The following PEX5 variants were observed in gnomAD, a reference collection of about 807,000 sequenced individuals.
The protein encoded by PEX5 is PTS1 receptor.
In PEX5, 52 loss-of-function variants were observed where a neutral mutation model predicts 82.9. The ratio of observed to expected loss-of-function variants is 0.63; its 90% confidence interval spans 0.50 to 0.79. The LOEUF (loss-of-function observed/expected upper bound fraction) is 0.79, where lower values mean the gene tolerates loss of function less well. PEX5 is among the 30% of genes least tolerant of loss of function. The pLI, the probability that PEX5 is intolerant of heterozygous loss-of-function variation, is 0.00. For synonymous variants in PEX5, 300 were observed against 318.8 expected, an observed-to-expected ratio of 0.94 and a Z score of 0.63; for missense variants, 719 against 815.2, an observed-to-expected ratio of 0.88 and a Z score of 1.44.
chr12:7,191,823 A>G (rs753422604), intron 5 of PEX5, 123 bp downstream of exon 5: 1 of 900,882 alleles, frequency 1.1e-6, no homozygotes, highest in Admixed American at 1.8e-5. Context: ...CTAGAGGGGT[A>G]GGGTACTGAA....
At chr12:7,199,870 C>T (rs1178238248) in intron 6 of PEX5, among the ~76,000 whole-genome samples, 3 of 67,392 alleles carry the variant, frequency 4.5e-5, no homozygotes, top group African/African-American at 1.4e-4. Flanking sequence ...GGCGGCTGGC[C>T]GGGCAGGGGG....
chr12:7,211,802 A>G (rs1945592905), downstream of PEX5, among the ~76,000 whole-genome samples: 1 of 152,190 alleles, frequency 6.6e-6, no homozygotes, highest in African/African-American at 2.4e-5. Context: ...TAGGGTTTCT[A>G]AAGCTTTTCA....
At chr12:7,200,145 C>T (rs1413059029) in intron 6 of PEX5, among the ~76,000 whole-genome samples, 32 of 150,072 alleles carry the variant, frequency 2.1e-4, no homozygotes, top group Admixed American at 6.0e-4. Context: ...GGGCGGCTGC[C>T]GGGCAGAGGG....
At chr12:7,201,621 G>A in intron 6 of PEX5, 130 bp from the exon 7 acceptor site, 1 of 739,676 alleles carries the variant, frequency 1.4e-6, no homozygotes, top group Non-Finnish European at 2.5e-6. Context: ...GCAAATTGGA[G>A]TTTGTAGGTT....
In PEX5 at chr12:7,210,566, A is replaced by T. The variant is rs779015869; in HGVS notation, c.*343A>T. 7.2e-6 allele frequency: 3 copies of T among 418,890 alleles called. No individual in the cohort carries two copies. Among genetic ancestry groups the T allele is most frequent in the Admixed American group, 7.1e-5 (2 of 28,188 alleles). The allele number at this position is 418,890 out of a possible 1,614,324, so 25.9% of individuals were successfully genotyped here. On this transcript the variant is annotated 3_prime_UTR_variant, in exon 16 of 16. Coordinates refer to ENST00000675855, the MANE Select transcript of PEX5 (RefSeq NM_001351132.2). ...TCAGCTGCCATTTCTGATAGGGTCT[A>T]CCACATCTGTAATGTCTGTCCTTTC... is the stretch of plus-strand genomic sequence containing the variant.
intron 17 of PEX5, among the ~76,000 whole-genome samples, chr12:7,217,330 A>G (rs1028407358): frequency 6.6e-6 from 1 of 152,198 alleles, no homozygotes; most frequent in East Asian, 1.9e-4. Flanking sequence ...AACAACAATA[A>G]TTAATTATCT....
chr12:7,188,861 GCA>G (rs1165678616), upstream of PEX5: 1 of 152,334 alleles, frequency 6.6e-6, no homozygotes, highest in East Asian at 1.9e-4. Flanking sequence ...TGACAGCAGA[GCA>G]CACTCTTTGG....
chr12:7,208,817 G>T, intron 13 of PEX5, 148 bp downstream of exon 13: 1 of 886,006 alleles, frequency 1.1e-6, no homozygotes. Context: ...AAGGAGGTCT[G>T]CATTCTACAG....
At chr12:7,201,135 G>GCACACACA (rs113517645) in intron 6 of PEX5, among the ~76,000 whole-genome samples, 139 of 121,766 alleles carry the variant, frequency 1.1e-3, no homozygotes, top group Middle Eastern at 4.6e-3. Context: ...ATGTGTGCGT[G>GCACACACA]CACACACACA....
At chr12:7,203,023 T>G (rs1026639787) in intron 9 of PEX5, among the ~76,000 whole-genome samples, 1 of 152,026 alleles carries the variant, frequency 6.6e-6, no homozygotes, top group Non-Finnish European at 1.5e-5. Flanking sequence ...CGTGGTGTGT[T>G]GGCGCATGCC....
At chr12:7,201,910 T>C (rs945686972) in intron 7 of PEX5, 69 bp downstream of exon 7, 6 of 1,117,282 alleles carry the variant, frequency 5.4e-6, no homozygotes, top group Non-Finnish European at 8.2e-6. Context: ...TTGCTTTTCT[T>C]ACCCCAGTTT....
In PEX5 at chr12:7,208,498, C is replaced by T. The variant is rs1218031120; in HGVS notation, c.1223C>T (p.Ala408Val). 8.1e-6 allele frequency: 13 copies of T among 1,614,052 alleles called. No individual in the cohort carries two copies. Among genetic ancestry groups the T allele is most frequent in the African/African-American group, 1.3e-5 (1 of 75,034 alleles). Residue 408 changes from alanine (A) to valine (V), a missense_variant, in exon 13 of 16, where the codon GCG (alanine) becomes GTG (valine). Ala to Val is a moderately conservative substitution (Grantham distance 64). Transcript: ENST00000675855. The part of the protein sequence containing the change: ...LKPDNQTALM[A>V]LAVSFTNESL... ...CCAGATAACCAGACAGCACTGATGG[C>T]GCTGGCTGTGAGCTTCACCAACGAG...
At chr12:7,191,168 G>T in intron 3 of PEX5, 58 bp from the exon 4 acceptor site, 2 of 1,606,012 alleles carry the variant, frequency 1.2e-6, no homozygotes, top group Non-Finnish European at 8.5e-7. Context: ...AGTGGGTCCT[G>T]CCTCTTGCTG....
At chr12:7,216,968 GTTTA>G (rs972462030) in intron 17 of PEX5, among the ~76,000 whole-genome samples, 2 of 152,060 alleles carry the variant, frequency 1.3e-5, no homozygotes, top group African/African-American at 2.4e-5. Flanking sequence ...ATTCATACGT[GTTTA>G]TTTTTTTTCT....
chr12:7,198,130 T>C (rs1943098047), intron 5 of PEX5, among the ~76,000 whole-genome samples: 1 of 152,184 alleles, frequency 6.6e-6, no homozygotes, highest in African/African-American at 2.4e-5. Context: ...GTTTGTTGCC[T>C]TGATAGGTTA....
chr12:7,208,636 C>T lies in PEX5; in HGVS notation c.1361C>T (p.Pro454Leu). The change falls in exon 13 of 16, where the codon CCC (proline) becomes CTC (leucine). Residue 454 changes from proline (P) to leucine (L), a missense_variant. Transcript: ENST00000675855. ...GGGGCTGGTGGGGCAGGACTGGGCC[C>T]CAGCAAGCGTATCCTGGGATCTCTC... The part of the protein sequence containing the change: ...EEGAGGAGLG[P>L]SKRILGSLLS... 6.2e-7 allele frequency: 1 copy of T among 1,613,980 alleles called. No homozygotes were observed. Among genetic ancestry groups the T allele is most frequent in the Non-Finnish European group, 8.5e-7 (1 of 1,179,964 alleles).
At chr12:7,214,894 G>T (rs1368910455), downstream of PEX5, among the ~76,000 whole-genome samples, 1 of 151,868 alleles carries the variant, frequency 6.6e-6, no homozygotes, top group Non-Finnish European at 1.5e-5. Context: ...TTAGTCAAAA[G>T]TTCTAAATTC....
chr12:7,191,008 T>C (rs1940994725), intron 3 of PEX5, 85 bp downstream of exon 3: 1 of 1,380,274 alleles, frequency 7.2e-7, no homozygotes, highest in African/African-American at 1.4e-5. Flanking sequence ...CGTATTTCAA[T>C]TTTTGGGCTT....
rs1312258651 is a variant in PEX5 at position 7,202,286 on chromosome 12, G to C, written c.688G>C (p.Glu230Gln). 6.8e-6 allele frequency: 11 copies of C among 1,613,998 alleles called. No homozygotes were observed. Among genetic ancestry groups the C allele is most frequent in the Non-Finnish European group, 8.5e-6 (10 of 1,180,034 alleles). The change falls in exon 8 of 16, where the codon GAG (glutamate) becomes CAG (glutamine). Residue 230 changes from glutamate (E) to glutamine (Q), a missense_variant. Transcript: ENST00000675855. Reference protein sequence around the residue: ...RQIGEGQVSLESGAGSGRAQA... With the variant: ...RQIGEGQVSLQSGAGSGRAQA... ...GATTGGCGAAGGGCAGGTGTCCCTG[G>C]AGTCCGGTGCAGGGTCGGGCCGAGC...
Sources: gnomAD v4.1 joint callset for allele counts (sites outside exome capture counted in the v4.1 genomes callset) on GRCh38, gnomAD v4.1.1 for gene constraint, MANE v1.5 for transcripts, NCBI Gene and HGNC (gene_info 2026-07-23, HGNC 2026-07-21) for gene names.